COL24A1: variants seen among roughly 807,000 people sequenced by gnomAD.
COL24A1 encodes the protein collagen alpha-1(XXIV) chain.
Under a neutral mutation model 253.9 loss-of-function variants are expected in COL24A1, and 224 were observed. The observed-to-expected ratio is 0.88, with a 90% CI of 0.79 to 0.99. The LOEUF is 0.99. COL24A1 is among the 50% of genes least tolerant of loss of function. The pLI is 0.00. For synonymous variants in COL24A1, 685 were observed against 673.7 expected (o/e 1.02, Z -0.26); for missense variants, 2,131 against 2,068.5 (o/e 1.03, Z -0.59).
intron 57 of COL24A1, among the ~76,000 whole-genome samples, chr1:85,740,729 C>G (rs1023837927): frequency 6.6e-6 from 1 of 151,736 alleles, no homozygotes; most frequent in Admixed American, 6.6e-5. Context: ...ACCTCGGTCT[C>G]CCAAAGTGCT....
At chr1:85,776,442 T>G (rs975699374) in intron 52 of COL24A1, among the ~76,000 whole-genome samples, 14 of 152,090 alleles carry the variant, frequency 9.2e-5, no homozygotes, top group Admixed American at 2.0e-4. Context: ...TTTTAAAATG[T>G]GTTAATATTT....
chr1:85,836,746 A>G lies in COL24A1; in HGVS notation c.3681+1839T>C, dbSNP rs543729924. 2.0e-5 allele frequency among the ~76,000 whole-genome samples: 3 copies of G among 152,364 alleles called. No individual in the cohort carries two copies. The East Asian group carries it at 5.8e-4, about 29-fold the overall frequency. On this transcript the variant is annotated intron_variant, in intron 43 of 59. Transcript: ENST00000370571. Reference sequence around the variant, plus strand: ...GGACTTAGGAAGAAATAAGACAGAAAGGAAGACATGGATCAAACTAGTTTA... The same window carrying G: ...GGACTTAGGAAGAAATAAGACAGAAGGGAAGACATGGATCAAACTAGTTTA...
intron 53 of COL24A1, among the ~76,000 whole-genome samples, chr1:85,772,539 C>G (rs1412862938): frequency 1.3e-5 from 2 of 151,358 alleles, no homozygotes; most frequent in African/African-American, 4.9e-5. Context: ...TCACAATAGC[C>G]TGACTTTTTA....
chr1:85,736,515 A>G (rs1187156062), intron 58 of COL24A1: 1 of 455,898 alleles, frequency 2.2e-6, no homozygotes, highest in Non-Finnish European at 4.4e-6. Context: ...CTAGGAATGG[A>G]AGGATCCTTC....
At chr1:85,822,753 C>A (rs1010358327) in intron 45 of COL24A1, among the ~76,000 whole-genome samples, 3 of 152,114 alleles carry the variant, frequency 2.0e-5, no homozygotes, top group African/African-American at 4.8e-5. Context: ...AGCAACGAAC[C>A]CTGCCAAGTC....
intron 20 of COL24A1, among the ~76,000 whole-genome samples, chr1:85,973,033 T>A (rs974762396): frequency 6.6e-6 from 1 of 152,198 alleles, no homozygotes; most frequent in Admixed American, 6.5e-5. Context: ...ACTGAAATAA[T>A]CCTGATTGAT....
chr1:86,104,106 G>C (rs756523040), intron 5 of COL24A1, among the ~76,000 whole-genome samples: 16 of 151,618 alleles, frequency 1.1e-4, no homozygotes, highest in Non-Finnish European at 2.2e-4. Context: ...TCTCATCCTT[G>C]TCTGACTGTC....
intron 1 of COL24A1, among the ~76,000 whole-genome samples, chr1:86,146,559 C>T (rs1375442942): frequency 6.6e-6 from 1 of 151,250 alleles, no homozygotes; most frequent in African/African-American, 2.4e-5. Context: ...TGTTAAATTA[C>T]CATATATGCA....
Position 85,869,835 on chromosome 1 carries a change from T to C in COL24A1, c.3139-1000A>G, listed in dbSNP as rs561660210. Reference sequence around the variant, plus strand: ...TAACATCATAATGACAGGATCATATTCACACACAACGATATTAACCTTAGA... The same window carrying C: ...TAACATCATAATGACAGGATCATATCCACACACAACGATATTAACCTTAGA... On this transcript the variant is annotated intron_variant, in intron 35 of 59. Coordinates refer to ENST00000370571, the MANE Select transcript of COL24A1 (RefSeq NM_152890.7). Among the ~76,000 whole-genome samples, 12 of 152,272 alleles carry C rather than the reference T, an allele frequency of 7.9e-5. No homozygotes were observed. In the East Asian group the frequency reaches 2.3e-3, roughly 29 times the overall value.
intron 32 of COL24A1, chr1:85,883,615 C>T (rs1407542126): frequency 6.6e-6 from 1 of 152,154 alleles, no homozygotes; most frequent in African/African-American, 2.4e-5. Context: ...TTTAAAGTGG[C>T]CACTCTAGAG....
At chr1:86,128,218 A>G (rs1402090060) in intron 2 of COL24A1, among the ~76,000 whole-genome samples, 1 of 152,048 alleles carries the variant, frequency 6.6e-6, no homozygotes, top group Admixed American at 6.6e-5. Flanking sequence ...TCAATATACA[A>G]TATAAATTAC....
intron 19 of COL24A1, 107 bp from the exon 20 acceptor site, chr1:85,987,761 A>G: frequency 1.1e-6 from 1 of 872,552 alleles, no homozygotes; most frequent in African/African-American, 1.7e-5. Flanking sequence ...AAAGCAATTT[A>G]TAATCCTCAA....
chr1:86,148,288 A>C (rs1350612807), intron 1 of COL24A1, among the ~76,000 whole-genome samples: 1 of 151,960 alleles, frequency 6.6e-6, no homozygotes, highest in Non-Finnish European at 1.5e-5. Context: ...AGGTTCAAGC[A>C]ATTCTCCTGT....
At chr1:85,915,606 A>G (rs963399395) in intron 24 of COL24A1, among the ~76,000 whole-genome samples, 1 of 152,248 alleles carries the variant, frequency 6.6e-6, no homozygotes, top group Non-Finnish European at 1.5e-5. Flanking sequence ...GACAGTAAAC[A>G]AAATAACAGA....
chr1:86,022,192 A>T, intron 18 of COL24A1, 48 bp downstream of exon 18: 1 of 1,501,754 alleles, frequency 6.7e-7, no homozygotes, highest in South Asian at 1.1e-5. Flanking sequence ...TCATGCCATG[A>T]CATGCACTCT....
At chr1:86,115,515 C>T (rs770382965) in intron 3 of COL24A1, 137 bp from the exon 4 acceptor site, 38 of 754,148 alleles carry the variant, frequency 5.0e-5, no homozygotes, top group African/African-American at 4.0e-4. Context: ...TTAAGTAACA[C>T]GAACCCCCTT....
intron 2 of COL24A1, among the ~76,000 whole-genome samples, chr1:86,142,340 G>A (rs895729325): frequency 3.3e-5 from 5 of 151,776 alleles, no homozygotes; most frequent in African/African-American, 4.8e-5. Flanking sequence ...TGGCTAACAC[G>A]GTGAAACCCT....
chr1:85,945,995 T>C (rs1267227147), intron 24 of COL24A1, among the ~76,000 whole-genome samples: 1 of 152,068 alleles, frequency 6.6e-6, no homozygotes, highest in African/African-American at 2.4e-5. Flanking sequence ...TCTGGGGAAT[T>C]TGGATTTGGG....
At chr1:85,863,025 C>A (rs1679340341) in intron 37 of COL24A1, among the ~76,000 whole-genome samples, 1 of 152,134 alleles carries the variant, frequency 6.6e-6, no homozygotes, top group Admixed American at 6.6e-5. Flanking sequence ...TTGAAGAGGT[C>A]CTTCACATCC....
Sources: allele counts gnomAD v4.1 joint callset (sites outside exome capture counted in the v4.1 genomes callset), GRCh38; gene constraint gnomAD v4.1.1; transcripts MANE v1.5; gene names NCBI Gene and HGNC (gene_info 2026-07-23, HGNC 2026-07-21).